SASH1: variants seen among roughly 807,000 people sequenced by gnomAD.
SASH1 encodes SAM and SH3 domain-containing protein 1.
In SASH1, 44 loss-of-function variants were observed where a neutral mutation model predicts 125.2. That is an observed-to-expected ratio of 0.35 (90% confidence interval 0.28 to 0.45). SASH1 has a LOEUF of 0.45. SASH1 is among the 20% of genes least tolerant of loss of function. SASH1 has a pLI of 1.00. For synonymous variants in SASH1, 639 were observed against 649.1 expected, an observed-to-expected ratio of 0.98 and a Z score of 0.24; for missense variants, 1,426 against 1,614.5, an observed-to-expected ratio of 0.88 and a Z score of 2.00.
chr6:148,387,569 T>TTTCTTTCTTTCC (rs1783446135), intron 1 of SASH1, among the ~76,000 whole-genome samples: 1 of 4,914 alleles, frequency 2.0e-4, no homozygotes, highest in Non-Finnish European at 3.4e-4. Flanking sequence ...TTCTTTTCTC[T>TTTCTTTCTTTCC]TTCTTTCTTT....
At chr6:148,516,354 T>G (rs2115337008) in intron 9 of SASH1, among the ~76,000 whole-genome samples, 1 of 152,258 alleles carries the variant, frequency 6.6e-6, no homozygotes, top group East Asian at 1.9e-4. Context: ...TCCAATTCCC[T>G]GCTAAACTGG....
Position 148,496,382 on chromosome 6 carries a change from T to A in SASH1, c.729+8667T>A, listed in dbSNP as rs1283728319. Among the ~76,000 whole-genome samples the A allele has an allele frequency of 2.0e-5, 3 of 152,224 alleles. No homozygotes were observed. The East Asian group carries it at 5.8e-4, about 29-fold the overall frequency. ...TAATAGTTGTCTTAGGCTCATGTTC[T>A]TCAGTTCTTTATTTCTCACACAGAA... On this transcript the variant is annotated intron_variant, in intron 8 of 19. Coordinates refer to ENST00000367467, the MANE Select transcript of SASH1 (RefSeq NM_015278.5).
chr6:148,233,742 C>CAAAAAAAAAAAAA, the SASH1 span, among the ~76,000 whole-genome samples: 68 of 60,526 alleles, frequency 1.1e-3, 12 homozygotes, highest in East Asian at 1.5e-3. Context: ...TTCCTCTCTA[C>CAAAAAAAAAAAAA]AAAAAAAAAA....
At chr6:148,295,015 C>T (rs1779727496) in intron 1 of SASH1, among the ~76,000 whole-genome samples, 1 of 152,130 alleles carries the variant, frequency 6.6e-6, no homozygotes, top group South Asian at 2.1e-4. Context: ...TAATGGATGC[C>T]TAGTAAGTCT....
chr6:148,494,814 G>A (rs1779250787), intron 8 of SASH1, among the ~76,000 whole-genome samples: 1 of 152,082 alleles, frequency 6.6e-6, no homozygotes, highest in Non-Finnish European at 1.5e-5. Context: ...CAAAACTTTG[G>A]GCCACAGACA....
At chr6:148,251,609 CA>C in the SASH1 span, among the ~76,000 whole-genome samples, 4 of 151,636 alleles carry the variant, frequency 2.6e-5, no homozygotes, top group Admixed American at 6.6e-5. Flanking sequence ...CTGATGTGGC[CA>C]AAACATCTGC....
intron 19 of SASH1, 104 bp downstream of exon 19, chr6:148,546,250 T>G (rs1263180719): frequency 3.0e-6 from 4 of 1,353,496 alleles, no homozygotes; most frequent in Admixed American, 2.4e-5. Flanking sequence ...TGCGTAGCTA[T>G]GGAAAGGAGA....
intron 8 of SASH1, among the ~76,000 whole-genome samples, chr6:148,490,001 C>T (rs1258875720): frequency 1.2e-4 from 15 of 122,076 alleles, no homozygotes; most frequent in East Asian, 2.3e-4. Flanking sequence ...CCACTGCACT[C>T]CATCCTGTCT....
chr6:148,243,254 C>T, the SASH1 span, among the ~76,000 whole-genome samples: 12 of 151,964 alleles, frequency 7.9e-5, no homozygotes, highest in African/African-American at 2.4e-4. Context: ...AGTTCAAGAC[C>T]GGCCTGACCA....
intron 4 of SASH1, among the ~76,000 whole-genome samples, chr6:148,454,780 C>T (rs1166795159): frequency 6.6e-6 from 1 of 152,142 alleles, no homozygotes; most frequent in Non-Finnish European, 1.5e-5. Flanking sequence ...GTCTAAAGGC[C>T]TTGTCAAGCC....
At chr6:148,281,106 CTTTT>C (rs34144143) in intron 1 of SASH1, among the ~76,000 whole-genome samples, 3 of 69,258 alleles carry the variant, frequency 4.3e-5, no homozygotes, top group Non-Finnish European at 7.9e-5. Context: ...CCATGCCTAG[CTTTT>C]TTTTTTTTTT....
At chr6:148,270,904 CTTTT>C (rs780443533), upstream of SASH1, among the ~76,000 whole-genome samples, 1 of 127,610 alleles carries the variant, frequency 7.8e-6, no homozygotes. Context: ...TCATCCACAA[CTTTT>C]TTTTTTTTTT....
At chr6:148,350,211 T>A (rs1302316056) in intron 1 of SASH1, among the ~76,000 whole-genome samples, 1 of 152,066 alleles carries the variant, frequency 6.6e-6, no homozygotes, top group Non-Finnish European at 1.5e-5. Flanking sequence ...TCCCACTGCT[T>A]TGGGAGGCCA....
At position 148,495,266 on chromosome 6, in the gene SASH1, C is replaced by T. The variant is rs747189300; in HGVS notation, c.729+7551C>T. Reference sequence around the variant, plus strand: ...TGTAATCCCTTTTTATAGAATATGGCGGAAGAACAGTGCACACACTCATAA... The same window carrying T: ...TGTAATCCCTTTTTATAGAATATGGTGGAAGAACAGTGCACACACTCATAA... On this transcript the variant is annotated intron_variant, in intron 8 of 19. Coordinates refer to ENST00000367467, the MANE Select transcript of SASH1 (RefSeq NM_015278.5). The surrounding 1 kb of genome is among the most constrained non-coding windows in gnomAD (Gnocchi z 4.0). Among the ~76,000 whole-genome samples the T allele has an allele frequency of 2.0e-5, 3 of 152,088 alleles. No homozygotes were observed. Among genetic ancestry groups the T allele is most frequent in the African/African-American group, 4.8e-5 (2 of 41,418 alleles).
intron 1 of SASH1, among the ~76,000 whole-genome samples, chr6:148,377,260 A>C (rs1258278877): frequency 1.3e-5 from 2 of 151,646 alleles, no homozygotes; most frequent in Non-Finnish European, 2.9e-5. Context: ...AAACCTGTGG[A>C]GGGAACCAGT....
chr6:148,411,166 C>CAAAAAAAAAAAA lies in SASH1; in HGVS notation c.285+20923_285+20934dup, dbSNP rs56342457. The stretch of plus-strand genomic sequence containing the variant: ...TACAACAAGAGCGAAACTCCATCTC[C>CAAAAAAAAAAAA]AAAAAAAAAAAAAAAAAAAAAAAAA... On this transcript the variant is annotated intron_variant, in intron 2 of 19. Transcript: ENST00000367467. 1.2e-3 allele frequency among the ~76,000 whole-genome samples: 55 copies of CAAAAAAAAAAAA among 46,182 alleles called. 5 individuals carry two copies. The highest frequency in any genetic ancestry group is 1.7e-3 in the Non-Finnish European group (44 of 26,404). 30.3% of individuals were successfully genotyped at this position (46,182 alleles called of 152,430 possible).
intron 2 of SASH1, among the ~76,000 whole-genome samples, chr6:148,411,701 T>C (rs1480626347): frequency 6.6e-6 from 1 of 152,150 alleles, no homozygotes; most frequent in African/African-American, 2.4e-5. Context: ...ACACCACTAC[T>C]TCCAAATAAT....
In SASH1 at chr6:148,544,418, A is replaced by G. The variant is rs759915668; in HGVS notation, c.2948A>G (p.Gln983Arg). The G allele has an allele frequency of 6.2e-7, 1 of 1,614,162 alleles. No homozygotes were observed. The highest frequency in any genetic ancestry group is 1.1e-5 in the South Asian group (1 of 91,076). ...EQRMQPKIPS[Q>R]PPPVPAKKSR... ...AGAATGCAGCCCAAAATTCCATCACAGCCTCCACCTGTTCCTGCCAAAAAG... is the reference window on the plus strand; with the variant it reads ...AGAATGCAGCCCAAAATTCCATCACGGCCTCCACCTGTTCCTGCCAAAAAG... The change falls in exon 18 of 20, where the codon CAG (glutamine) becomes CGG (arginine). Residue 983 changes from glutamine to arginine, a missense_variant. By Grantham distance (43) the Gln-to-Arg change is conservative (BLOSUM62 1). This residue lies in a region of SASH1 where 634 missense variants were observed against 694.4 expected (regional missense o/e 0.91). Coordinates refer to ENST00000367467, the MANE Select transcript of SASH1 (RefSeq NM_015278.5). This position sits in a 1 kb window ranked among gnomAD's most constrained non-coding sequence, Gnocchi z 6.4.
chr6:148,520,673 G>A (rs150938279), intron 10 of SASH1, among the ~76,000 whole-genome samples: 53 of 152,236 alleles, frequency 3.5e-4, no homozygotes, highest in African/African-American at 6.7e-4. Context: ...GGGTTTGGCC[G>A]CCTCCAGGAG....
Sources: allele counts gnomAD v4.1 joint callset (sites outside exome capture counted in the v4.1 genomes callset), GRCh38; gene constraint gnomAD v4.1.1; regional missense constraint gnomAD v4.1.1; non-coding constraint Gnocchi (gnomAD v3.1); transcripts MANE v1.5; gene names NCBI Gene and HGNC (gene_info 2026-07-23, HGNC 2026-07-21).